Variants in WDTC1 observed in about 807,000 individuals in gnomAD.
The protein encoded by WDTC1 is WD and tetratricopeptide repeats 1.
WDTC1 carries 12 observed loss-of-function variants against 76.0 expected under a neutral mutation model. The ratio of observed to expected loss-of-function variants is 0.16; its 90% confidence interval spans 0.10 to 0.26. The LOEUF (loss-of-function observed/expected upper bound fraction) is 0.26, where lower values mean the gene tolerates loss of function less well. Among genes scored for constraint, WDTC1 ranks in the 10% least tolerant of loss-of-function variants. The pLI, the probability that WDTC1 is intolerant of heterozygous loss-of-function variation, is 1.00. For missense variants in WDTC1, 511 were observed against 908.8 expected, an observed-to-expected ratio of 0.56 and a Z score of 5.63; for synonymous variants, 326 against 350.8, an observed-to-expected ratio of 0.93 and a Z score of 0.79.
At chr1:27,290,059 G>GGGGAGA (rs1279088819) in intron 6 of WDTC1, among the ~76,000 whole-genome samples, 1 of 149,938 alleles carries the variant, frequency 6.7e-6, no homozygotes, top group Non-Finnish European at 1.5e-5. Flanking sequence ...GGAGGGGGAG[G>GGGGAGA]GGGAGAGGGA....
chr1:27,256,776 C>T, intron 1 of WDTC1, among the ~76,000 whole-genome samples: 1 of 152,196 alleles, frequency 6.6e-6, no homozygotes, highest in East Asian at 1.9e-4. Context: ...AGTAAAAGCT[C>T]CTTATGTTCA....
rs745533842 is a variant in WDTC1, at chr1:27,297,953, A to G, written c.1074A>G (p.Leu358=). 2.5e-6 allele frequency: 4 copies of G among 1,612,256 alleles called. No homozygotes were observed. Among genetic ancestry groups the G allele is most frequent in the Non-Finnish European group, 3.4e-6 (4 of 1,178,806 alleles). ...SRGHVSPQVE[L]PPYLERVKQQ... ...TCCCCTGCAGCCCCCAAGTAGAGCT[A>G]CCACCATACCTGGAGCGTGTGAAAC... Residue 358 remains leucine (L), a synonymous_variant, in exon 12 of 16, where the codon CTA becomes CTG. Transcript: ENST00000319394.
At chr1:27,243,874 C>G (rs1474880961) in intron 1 of WDTC1, among the ~76,000 whole-genome samples, 1 of 151,434 alleles carries the variant, frequency 6.6e-6, no homozygotes, top group South Asian at 2.1e-4. Flanking sequence ...GCCTATAATC[C>G]CAACACTTTG....
At chr1:27,289,855 C>T (rs914688735) in intron 6 of WDTC1, among the ~76,000 whole-genome samples, 3 of 152,160 alleles carry the variant, frequency 2.0e-5, no homozygotes, top group Non-Finnish European at 4.4e-5. Context: ...CGTGGCGGCA[C>T]GCGCCTGCAA....
At chr1:27,235,386 C>T (rs999464278) in intron 1 of WDTC1, among the ~76,000 whole-genome samples, 19 of 139,232 alleles carry the variant, frequency 1.4e-4, no homozygotes, top group Admixed American at 5.4e-4. Context: ...GTTTTTCTCT[C>T]TCTCTTTCTG....
chr1:27,240,836 G>C lies in WDTC1; in HGVS notation c.-100+5885G>C, dbSNP rs147497565. ...CTAAAAATACAAAAATTAGCCTGGC[G>C]TGGTGGCGGGTGTCTGTAGTCCCAG... is the stretch of plus-strand genomic sequence containing the variant. On this transcript the variant is annotated intron_variant, in intron 1 of 15. Transcript: ENST00000319394. Among the ~76,000 whole-genome samples, 973 of 152,084 alleles carry C rather than the reference G, an allele frequency of 6.4e-3. 7 individuals carry two copies. The highest frequency in any genetic ancestry group is 0.011 in the Non-Finnish European group (765 of 67,998).
At chr1:27,266,345 T>G (rs2012675234) in intron 3 of WDTC1, among the ~76,000 whole-genome samples, 1 of 152,202 alleles carries the variant, frequency 6.6e-6, no homozygotes, top group Non-Finnish European at 1.5e-5. Context: ...GCCATCTGTT[T>G]TCCTCTTTCC....
chr1:27,255,842 T>C (rs1222693096), intron 1 of WDTC1, among the ~76,000 whole-genome samples: 1 of 152,156 alleles, frequency 6.6e-6, no homozygotes, highest in Non-Finnish European at 1.5e-5. Flanking sequence ...GTGCTCGGAT[T>C]ACAGGCGTGA....
intron 1 of WDTC1, among the ~76,000 whole-genome samples, chr1:27,247,712 C>CTTTTTTTTTTTT (rs35930144): frequency 1.5e-5 from 2 of 136,540 alleles, no homozygotes; most frequent in Non-Finnish European, 1.6e-5. Context: ...CATTTTCTTT[C>CTTTTTTTTTTTT]TTTTTTTTTT....
chr1:27,257,024 G>A (rs1213069064), intron 1 of WDTC1, among the ~76,000 whole-genome samples: 3 of 151,898 alleles, frequency 2.0e-5, no homozygotes, highest in African/African-American at 7.3e-5. Flanking sequence ...CACCACGCCC[G>A]GCTAATTTTT....
rs2013875692 is a variant in WDTC1, at chr1:27,303,300, G to C, written c.1469-321G>C. On this transcript the variant is annotated intron_variant, in intron 13 of 15. Coordinates refer to ENST00000319394, the MANE Select transcript of WDTC1 (RefSeq NM_001276252.2). The surrounding 1 kb of genome is among the most constrained non-coding windows in gnomAD (Gnocchi z 4.8). The stretch of plus-strand genomic sequence containing the variant: ...AAAGTCATCCATTCTCTCTTTGCTA[G>C]TGCCTCACTCTACCCTCCCCTGCCT... Among the ~76,000 whole-genome samples, 1 of 151,326 alleles carries C rather than the reference G, an allele frequency of 6.6e-6. No homozygotes were observed. The highest frequency in any genetic ancestry group is 6.6e-5 in the Admixed American group (1 of 15,190).
intron 6 of WDTC1, among the ~76,000 whole-genome samples, chr1:27,289,004 C>G: frequency 7.2e-6 from 1 of 139,174 alleles, no homozygotes; most frequent in Non-Finnish European, 1.5e-5. Context: ...ACCTCCCTCC[C>G]GGACGGGGCG....
chr1:27,252,851 G>C (rs1248667774), intron 1 of WDTC1, among the ~76,000 whole-genome samples: 4 of 151,636 alleles, frequency 2.6e-5, no homozygotes, highest in Non-Finnish European at 5.9e-5. Context: ...TAGTCCCTGT[G>C]GTCCCTTTTT....
rs1011799287 is a variant in WDTC1 at position 27,305,957 on chromosome 1, G to A, written c.1837-229G>A. 6.6e-6 allele frequency among the ~76,000 whole-genome samples: 1 copy of A among 152,066 alleles called. No individual in the cohort carries two copies. Among genetic ancestry groups the A allele is most frequent in the Non-Finnish European group, 1.5e-5 (1 of 67,998 alleles). On this transcript the variant is annotated intron_variant, in intron 15 of 15. Coordinates refer to ENST00000319394, the MANE Select transcript of WDTC1 (RefSeq NM_001276252.2). This position sits in a 1 kb window ranked among gnomAD's most constrained non-coding sequence, Gnocchi z 4.6. The stretch of plus-strand genomic sequence containing the variant: ...TATCCCAGCATGTTATGACCTGCCT[G>A]TATATCCTGAGGTGGCGTATCTCCC...
In WDTC1 at chr1:27,243,736, A is replaced by G. The variant is rs1327288316; in HGVS notation, c.-100+8785A>G. 2.0e-5 allele frequency among the ~76,000 whole-genome samples: 3 copies of G among 152,186 alleles called. No individual in the cohort carries two copies. In the East Asian group the frequency reaches 5.8e-4, roughly 29 times the overall value. Reference sequence around the variant, plus strand: ...TAGAATGTTCAATAAATATTATTTAATAGGATCAGTGTCAGGCATTTTACA... The same window carrying G: ...TAGAATGTTCAATAAATATTATTTAGTAGGATCAGTGTCAGGCATTTTACA... On this transcript the variant is annotated intron_variant, in intron 1 of 15. Transcript: ENST00000319394.
chr1:27,267,408 G>A (rs1013949288), intron 3 of WDTC1, among the ~76,000 whole-genome samples: 12 of 152,254 alleles, frequency 7.9e-5, no homozygotes, highest in African/African-American at 2.4e-4. Context: ...ACCACACCCA[G>A]CTAATTTTTT....
Position 27,271,136 on chromosome 1 carries a change from C to T in WDTC1, c.132+7901C>T, listed in dbSNP as rs374521593. On this transcript the variant is annotated intron_variant, in intron 3 of 15. Transcript: ENST00000319394. The stretch of plus-strand genomic sequence containing the variant: ...AAACTAATGAAATTGGTCACTCCAG[C>T]GGGTGGGAGGTATAAGGTAGAAGGG... Among the ~76,000 whole-genome samples the T allele has an allele frequency of 1.2e-4, 19 of 152,166 alleles. No homozygotes were observed. In the South Asian group the frequency reaches 3.7e-3, roughly 30 times the overall value.
At chr1:27,296,201 G>T in intron 9 of WDTC1, 125 bp from the exon 10 acceptor site, 2 of 1,147,534 alleles carry the variant, frequency 1.7e-6, no homozygotes, top group South Asian at 1.3e-5. Context: ...TAGCTTGATT[G>T]TTCTATGCTC....
chr1:27,237,891 AAAAG>A lies in WDTC1; in HGVS notation c.-100+2947_-100+2950del, dbSNP rs200847325. Among the ~76,000 whole-genome samples the A allele has an allele frequency of 9.7e-3, 1,479 of 151,950 alleles. 12 individuals are homozygous for A. The highest frequency in any genetic ancestry group is 0.017 in the Middle Eastern group (5 of 294). On this transcript the variant is annotated intron_variant, in intron 1 of 15. Transcript: ENST00000319394. ...AAAAAAAAAAGAAAAGAAAAGAAAA[AAAAG>A]AAAGAAGCCAGTTCCTTGGTGTAGT...
Sources: gnomAD v4.1 joint callset for allele counts (sites outside exome capture counted in the v4.1 genomes callset) on GRCh38, gnomAD v4.1.1 for gene constraint, Gnocchi (gnomAD v3.1) non-coding constraint, MANE v1.5 for transcripts, NCBI Gene and HGNC (gene_info 2026-07-23, HGNC 2026-07-21) for gene names.